NPC1L1: variants seen among roughly 807,000 people sequenced by gnomAD.
The protein encoded by NPC1L1 is NPC1 like intracellular cholesterol transporter 1, also known as NPC1-like intracellular cholesterol transporter 1.
A neutral mutation model predicts 117.0 loss-of-function variants in NPC1L1; 98 were observed. That is an observed-to-expected ratio of 0.84 (90% CI 0.71 to 0.99). The LOEUF is 0.99. NPC1L1 is among the 50% of genes least tolerant of loss of function. The pLI, the probability that NPC1L1 is intolerant of heterozygous loss-of-function variation, is 0.00. For missense variants in NPC1L1, 1,540 were observed against 1,710.0 expected, an observed-to-expected ratio of 0.90 and a Z score of 1.75; for synonymous variants, 729 against 727.6, an observed-to-expected ratio of 1.00 and a Z score of -0.03.
Position 44,534,745 on chromosome 7 carries a change from C to A in NPC1L1, c.1984-116G>T. ...GGCACCCTCAGTGCCTGCAGGTGCCCGATACTGCCCCCAGTGGTGAGGAGC... is the reference window on the plus strand; with the variant it reads ...GGCACCCTCAGTGCCTGCAGGTGCCAGATACTGCCCCCAGTGGTGAGGAGC... On this transcript the variant is annotated intron_variant, in intron 5 of 18. Transcript: ENST00000381160. The surrounding 1 kb of genome is among the most constrained non-coding windows in gnomAD (Gnocchi z 5.2). The A allele has an allele frequency of 1.0e-6, 1 of 1,004,442 alleles. No homozygotes were observed. The highest frequency in any genetic ancestry group is 1.5e-6 in the Non-Finnish European group (1 of 665,468). The allele number at this position is 1,004,442 out of a possible 1,614,324, so 62.2% of individuals were successfully genotyped here. A position where few individuals can be genotyped will look rare whatever the true frequency, so the allele number is the denominator to read the frequency against.
chr7:44,516,004 G>C (rs187895887), intron 17 of NPC1L1, 39 bp from the exon 18 acceptor site: 4 of 1,570,680 alleles, frequency 2.5e-6, no homozygotes, highest in Non-Finnish European at 3.5e-6. Flanking sequence ...AGGGCACAGG[G>C]CATCAGGCAG....
intron 18 of NPC1L1, among the ~76,000 whole-genome samples, chr7:44,514,080 G>T (rs1042821080): frequency 2.6e-5 from 4 of 152,170 alleles, no homozygotes; most frequent in Non-Finnish European, 2.9e-5. Context: ...GTAACCTGGG[G>T]CAGGTGTCTC....
At chr7:44,517,122 A>T in intron 15 of NPC1L1, 85 bp downstream of exon 15, 1 of 1,582,230 alleles carries the variant, frequency 6.3e-7, no homozygotes, top group African/African-American at 1.3e-5. Context: ...CATCTCATGC[A>T]ACTCCTTGCA....
At chr7:44,533,674 C>T in intron 7 of NPC1L1, 65 bp downstream of exon 7, 4 of 1,607,006 alleles carry the variant, frequency 2.5e-6, no homozygotes, top group Non-Finnish European at 2.6e-6. Flanking sequence ...CCTCTGGGAA[C>T]TCCTAGGCCC....
rs370545590 is a variant in NPC1L1, at chr7:44,516,215, G to A, written c.3520-18C>T. The A allele has an allele frequency of 6.3e-7, 1 of 1,582,102 alleles. No homozygotes were observed. Among genetic ancestry groups the A allele is most frequent in the East Asian group, 2.3e-5 (1 of 43,986 alleles). On this transcript the variant is annotated intron_variant, in intron 16 of 18. Transcript: ENST00000381160. ...CCCACCGCCTATGGGCAGAGAGGGG[G>A]CATAAGCCAAGAAAGGCAGAGGTGG...
intron 10 of NPC1L1, among the ~76,000 whole-genome samples, chr7:44,528,012 A>G (rs573883766): frequency 4.6e-5 from 7 of 152,074 alleles, no homozygotes; most frequent in Non-Finnish European, 8.8e-5. Context: ...TTTAGTAGAG[A>G]TGGGGTTTTG....
At chr7:44,521,225 C>T in intron 12 of NPC1L1, 107 bp from the exon 13 acceptor site, 1 of 1,449,958 alleles carries the variant, frequency 6.9e-7, no homozygotes, top group Non-Finnish European at 9.6e-7. Context: ...GCACTCCAGC[C>T]TCAACCAGTC....
intron 10 of NPC1L1, among the ~76,000 whole-genome samples, chr7:44,527,183 G>C (rs752083587): frequency 1.3e-5 from 2 of 152,036 alleles, no homozygotes; most frequent in Non-Finnish European, 2.9e-5. Flanking sequence ...GACAGGCCAG[G>C]CATGGTGGCT....
chr7:44,517,108 TCC>T (rs1200691665), intron 15 of NPC1L1, 97 bp downstream of exon 15: 1 of 1,544,338 alleles, frequency 6.5e-7, no homozygotes, highest in African/African-American at 1.4e-5. Context: ...CTAAAACTGG[TCC>T]TCATCTCATG....
Position 44,534,446 on chromosome 7 carries a change from C to T in NPC1L1, c.2166+1G>A, listed in dbSNP as rs1801800729. The T allele has an allele frequency of 6.2e-7, 1 of 1,613,890 alleles. No individual in the cohort carries two copies. The highest frequency in any genetic ancestry group is 1.3e-5 in the African/African-American group (1 of 74,906). ...GGTGTGGAGAGCTCCTCCCTTCTTACCTGGTACTCGAGAACAAAGATGAAG... is the reference window on the plus strand; with the variant it reads ...GGTGTGGAGAGCTCCTCCCTTCTTATCTGGTACTCGAGAACAAAGATGAAG... On this transcript the variant is annotated splice_donor_variant, in intron 6 of 18. Coordinates refer to ENST00000381160, the MANE Select transcript of NPC1L1 (RefSeq NM_001101648.2). LOFTEE classifies it high-confidence loss of function. The surrounding 1 kb of genome is among the most constrained non-coding windows in gnomAD (Gnocchi z 5.2).
At chr7:44,516,980 C>G (rs751696999) in intron 15 of NPC1L1, 46 bp from the exon 16 acceptor site, 6 of 1,572,716 alleles carry the variant, frequency 3.8e-6, no homozygotes, top group Non-Finnish European at 5.2e-6. Flanking sequence ...CTCTGGGGCC[C>G]TCATGGTGGG....
Position 44,536,542 on chromosome 7 carries a change from C to T in NPC1L1, c.1682-114G>A. 2 of 1,172,858 alleles carry T rather than the reference C, an allele frequency of 1.7e-6. No homozygotes were observed. Among genetic ancestry groups the T allele is most frequent in the Non-Finnish European group, 2.5e-6 (2 of 801,256 alleles). 72.7% of individuals were successfully genotyped at this position (1,172,858 alleles called of 1,614,324 possible). A position where few individuals can be genotyped will look rare whatever the true frequency, so the allele number is the denominator to read the frequency against. The stretch of plus-strand genomic sequence containing the variant: ...GCTGCACCCCTCCCATCACCCCTTG[C>T]TCCTTCTCCCCCACTCCTTCCTCAT... On this transcript the variant is annotated intron_variant, in intron 3 of 18. Transcript: ENST00000381160. The surrounding 1 kb of genome is among the most constrained non-coding windows in gnomAD (Gnocchi z 4.7).
intron 7 of NPC1L1, 29 bp downstream of exon 7, chr7:44,533,710 C>T: frequency 6.2e-7 from 1 of 1,610,924 alleles, no homozygotes; most frequent in African/African-American, 1.3e-5. Flanking sequence ...AAGCCTAATG[C>T]CGAGTGGGGA....
Position 44,536,850 on chromosome 7 carries a change from C to A in NPC1L1, c.1673G>T (p.Gly558Val). 6.2e-7 allele frequency: 1 copy of A among 1,613,544 alleles called. No homozygotes were observed. Among genetic ancestry groups the A allele is most frequent in the Non-Finnish European group, 8.5e-7 (1 of 1,179,478 alleles). ...APVFPFLAIG[G>V]YKGKDYSEAE... ...GGGCCCACTTAGCTTACCTTTGTAC[C>A]CCCCAATGGCAAGGAAGGGGAAGAC... Residue 558 changes from glycine to valine, a missense_variant, in exon 3 of 19, where the codon GGG becomes GTG. Gly to Val is a moderately radical substitution (Grantham distance 109). This residue lies in a region of NPC1L1 where 793 missense variants were observed against 820.4 expected (regional missense o/e 0.97). Coordinates refer to ENST00000381160, the MANE Select transcript of NPC1L1 (RefSeq NM_001101648.2). This position sits in a 1 kb window ranked among gnomAD's most constrained non-coding sequence, Gnocchi z 4.7.
In NPC1L1 at chr7:44,536,015, G is replaced by A; in HGVS notation, c.1855-47C>T. 1 of 1,611,942 alleles carries A rather than the reference G, an allele frequency of 6.2e-7. No homozygotes were observed. Among genetic ancestry groups the A allele is most frequent in the African/African-American group, 1.3e-5 (1 of 74,994 alleles). Reference sequence around the variant, plus strand: ...GCCCCCACTGACCGTGCCTGCTTCAGCCAGGCCAGCTCTCAATAGCTCGGT... The same window carrying A: ...GCCCCCACTGACCGTGCCTGCTTCAACCAGGCCAGCTCTCAATAGCTCGGT... On this transcript the variant is annotated intron_variant, in intron 4 of 18. Coordinates refer to ENST00000381160, the MANE Select transcript of NPC1L1 (RefSeq NM_001101648.2). The surrounding 1 kb of genome is among the most constrained non-coding windows in gnomAD (Gnocchi z 4.7).
Position 44,536,499 on chromosome 7 carries a change from A to G in NPC1L1, c.1682-71T>C. ...CCTCCCCCTCCAGCTGCACCCCTAT[A>G]TTCCCTCCCCCTATCTAGCTGCACC... is the stretch of plus-strand genomic sequence containing the variant. On this transcript the variant is annotated intron_variant, in intron 3 of 18. Coordinates refer to ENST00000381160, the MANE Select transcript of NPC1L1 (RefSeq NM_001101648.2). This position sits in a 1 kb window ranked among gnomAD's most constrained non-coding sequence, Gnocchi z 4.7. 6.6e-7 allele frequency: 1 copy of G among 1,511,236 alleles called. No homozygotes were observed. Among genetic ancestry groups the G allele is most frequent in the Non-Finnish European group, 9.0e-7 (1 of 1,107,444 alleles). The allele number at this position is 1,511,236 out of a possible 1,614,324, so 93.6% of individuals were successfully genotyped here. A position where few individuals can be genotyped will look rare whatever the true frequency, so the allele number is the denominator to read the frequency against.
At chr7:44,525,484 T>C (rs1374595109) in intron 10 of NPC1L1, among the ~76,000 whole-genome samples, 1 of 152,076 alleles carries the variant, frequency 6.6e-6, no homozygotes, top group Non-Finnish European at 1.5e-5. Flanking sequence ...TCTTGATCTC[T>C]TGACCTTGTG....
Position 44,533,340 on chromosome 7 carries a change from G to A in NPC1L1, c.2409+91C>T. 3 of 1,517,652 alleles carry A rather than the reference G, an allele frequency of 2.0e-6. No individual in the cohort carries two copies. The South Asian group carries it at 3.4e-5, about 17-fold the overall frequency. The allele number at this position is 1,517,652 out of a possible 1,614,324, so 94.0% of individuals were successfully genotyped here. A position where few individuals can be genotyped will look rare whatever the true frequency, so the allele number is the denominator to read the frequency against. On this transcript the variant is annotated intron_variant, in intron 8 of 18. Transcript: ENST00000381160. ...CCCCTGTCCCCCACCCCATTCTCTG[G>A]GCCATCTCTGTGGTGGTAAAGCCAC...
intron 11 of NPC1L1, 65 bp from the exon 12 acceptor site, chr7:44,521,901 G>C (rs942767430): frequency 6.2e-7 from 1 of 1,610,156 alleles, no homozygotes; most frequent in Non-Finnish European, 8.5e-7. Context: ...CCTTCTCGTG[G>C]CCCAACCCCC....
Sources: allele counts gnomAD v4.1 joint callset (sites outside exome capture counted in the v4.1 genomes callset), GRCh38; gene constraint gnomAD v4.1.1; regional missense constraint gnomAD v4.1.1; non-coding constraint Gnocchi (gnomAD v3.1); transcripts MANE v1.5; gene names NCBI Gene and HGNC (gene_info 2026-07-23, HGNC 2026-07-21).